PHF14: variants seen among roughly 807,000 people sequenced by gnomAD.
PHF14 encodes PHD finger protein 14.
A neutral mutation model predicts 117.9 loss-of-function variants in PHF14; 55 were observed. The observed-to-expected ratio is 0.47, with a 90% CI of 0.38 to 0.58. The LOEUF is 0.58. Among genes scored for constraint, PHF14 ranks in the 20% least tolerant of loss-of-function variants. The probability of loss-of-function intolerance (pLI) is 0.00; values close to 1 mark genes in which losing one functional copy is unlikely to be tolerated. For synonymous variants in PHF14, 409 were observed against 368.6 expected (o/e 1.11, Z -1.26); for missense variants, 978 against 1,122.2 (o/e 0.87, Z 1.84).
intron 16 of PHF14, among the ~76,000 whole-genome samples, chr7:11,079,602 A>G (rs1216314567): frequency 5.3e-5 from 8 of 152,110 alleles, no homozygotes; most frequent in Admixed American, 5.2e-4. Context: ...CTTTTTCTTC[A>G]TTAAAAAGAA....
chr7:11,068,705 G>C (rs910899917), intron 16 of PHF14, among the ~76,000 whole-genome samples: 6 of 152,118 alleles, frequency 3.9e-5, no homozygotes, highest in South Asian at 2.1e-4. Flanking sequence ...TACCACAATT[G>C]ATTTTTAAAA....
intron 13 of PHF14, among the ~76,000 whole-genome samples, chr7:11,044,336 A>G (rs1437950444): frequency 6.6e-6 from 1 of 152,102 alleles, no homozygotes; most frequent in Non-Finnish European, 1.5e-5. Context: ...TAAAAAAAAA[A>G]GAAAAGAAGT....
At chr7:11,035,895 A>AC in intron 8 of PHF14, 109 bp downstream of exon 8, 1 of 815,472 alleles carries the variant, frequency 1.2e-6, no homozygotes, top group Non-Finnish European at 1.9e-6. Context: ...AAGTTTGGTT[A>AC]GTTACCTAGG....
intron 17 of PHF14, among the ~76,000 whole-genome samples, chr7:11,122,352 T>TATATATATATATATATATATATACACAC: frequency 9.4e-4 from 62 of 65,814 alleles, no homozygotes; most frequent in African/African-American, 1.3e-3. Context: ...TATATATATA[T>TATATATATATATATATATATATACACAC]ACACACACAC....
intron 17 of PHF14, among the ~76,000 whole-genome samples, chr7:11,115,375 A>G (rs1358612911): frequency 1.3e-5 from 2 of 152,054 alleles, no homozygotes; most frequent in Non-Finnish European, 2.9e-5. Flanking sequence ...TTAATTCTAT[A>G]TAACATCTTT....
chr7:11,104,026 T>C (rs980687777), intron 16 of PHF14: 1 of 984,924 alleles, frequency 1.0e-6, no homozygotes, highest in Non-Finnish European at 1.2e-6. Context: ...AAATGACAGA[T>C]TGCCATTTTC....
At chr7:11,157,207 A>G (rs1026458248) in intron 17 of PHF14, among the ~76,000 whole-genome samples, 2 of 152,168 alleles carry the variant, frequency 1.3e-5, no homozygotes, top group Non-Finnish European at 2.9e-5. Flanking sequence ...GCACACAATC[A>G]TTGTTCAATA....
chr7:11,005,716 G>A (rs1257241447), intron 4 of PHF14, among the ~76,000 whole-genome samples: 1 of 150,464 alleles, frequency 6.6e-6, no homozygotes, highest in Non-Finnish European at 1.5e-5. Context: ...CTTATATATA[G>A]TGCTGACAAA....
At chr7:10,981,382 C>G (rs1782039570) in intron 2 of PHF14, among the ~76,000 whole-genome samples, 1 of 152,132 alleles carries the variant, frequency 6.6e-6, no homozygotes, top group African/African-American at 2.4e-5. Flanking sequence ...TTATTTCTCG[C>G]TTCAAAGATT....
intron 16 of PHF14, chr7:11,102,719 A>C: frequency 7.2e-7 from 1 of 1,395,964 alleles, no homozygotes; most frequent in Non-Finnish European, 9.3e-7. Context: ...CTAACAAGGC[A>C]GTAGATTTGC....
At chr7:10,992,963 C>T (rs1782514829) in intron 4 of PHF14, among the ~76,000 whole-genome samples, 1 of 151,980 alleles carries the variant, frequency 6.6e-6, no homozygotes, top group South Asian at 2.1e-4. Context: ...ACAGAATGTT[C>T]CTAATATGAT....
chr7:11,098,530 A>G (rs1008160287), intron 16 of PHF14, among the ~76,000 whole-genome samples: 17 of 151,942 alleles, frequency 1.1e-4, no homozygotes, highest in African/African-American at 4.1e-4. Context: ...ACTTCCCCCA[A>G]CCTTCTGGCT....
intron 6 of PHF14, among the ~76,000 whole-genome samples, chr7:11,024,971 T>C (rs80061577): frequency 0.016 from 2,394 of 152,296 alleles, 51 homozygotes; most frequent in African/African-American, 0.055. Flanking sequence ...ATTGAAAACC[T>C]TCTAGAAAGG....
intron 17 of PHF14, among the ~76,000 whole-genome samples, chr7:11,129,540 GTA>G (rs1295826264): frequency 7.9e-6 from 1 of 126,456 alleles, no homozygotes; most frequent in African/African-American, 3.1e-5. Flanking sequence ...TATTTTGTGT[GTA>G]TGTTTCTTTT....
In PHF14 at chr7:10,974,342, C is replaced by T. The variant is rs767361590; in HGVS notation, c.1+18C>T. 8.8e-6 allele frequency: 14 copies of T among 1,586,398 alleles called. 1 individual carries two copies. The Admixed American group carries it at 2.5e-4, about 28-fold the overall frequency. On this transcript the variant is annotated intron_variant, in intron 1 of 17. Transcript: ENST00000634607. ...ATTCCTTAGTAAGTGTATCCGAGGC[C>T]TCTGCGGCGAGAGGTCCATTTCAGC...
intron 10 of PHF14, among the ~76,000 whole-genome samples, chr7:11,038,519 G>A (rs1477586805): frequency 6.6e-6 from 1 of 151,308 alleles, no homozygotes; most frequent in Non-Finnish European, 1.5e-5. Context: ...TTAGCTGGAT[G>A]TGGTGGTGCA....
chr7:11,015,051 T>A (rs1008247202), intron 5 of PHF14: 2 of 152,082 alleles, frequency 1.3e-5, no homozygotes, highest in Non-Finnish European at 2.9e-5. Flanking sequence ...TAAGGATGTT[T>A]TAGTATTTTA....
intron 16 of PHF14, chr7:11,104,824 G>A: frequency 1.3e-6 from 1 of 770,802 alleles, no homozygotes. Flanking sequence ...CCCAGCTGAT[G>A]CTGATGCTAC....
chr7:11,120,002 T>G lies in PHF14; in HGVS notation c.2772+8535T>G, dbSNP rs530928365. 5.9e-5 allele frequency among the ~76,000 whole-genome samples: 9 copies of G among 152,116 alleles called. No individual in the cohort carries two copies. The East Asian group carries it at 7.7e-4, about 13-fold the overall frequency. On this transcript the variant is annotated intron_variant, in intron 17 of 17. Transcript: ENST00000634607. ...TATTCATTTTTGACATTTCTGAAAT[T>G]AGATTGTGTATCTATAAGCAGTTTT...
Sources: allele counts gnomAD v4.1 joint callset (sites outside exome capture counted in the v4.1 genomes callset), GRCh38; gene constraint gnomAD v4.1.1; transcripts MANE v1.5; gene names NCBI Gene and HGNC (gene_info 2026-07-23, HGNC 2026-07-21).